Variants in COMMD10 observed in about 807,000 individuals in gnomAD.
The protein encoded by COMMD10 is COMM domain-containing protein 10.
In COMMD10, 33 loss-of-function variants were observed where a neutral mutation model predicts 28.9. The ratio of observed to expected loss-of-function variants is 1.14; its 90% CI spans 0.87 to 1.53. The LOEUF (loss-of-function observed/expected upper bound fraction) is 1.53. Ranked by LOEUF, COMMD10 falls within the 40% of genes most tolerant of loss-of-function variation. The pLI is 0.00. For missense variants in COMMD10, 310 were observed against 233.4 expected (o/e 1.33, Z -2.14); for synonymous variants, 110 against 81.7 (o/e 1.35, Z -1.87).
chr5:116,088,287 C>T (rs57552008), intron 2 of COMMD10, among the ~76,000 whole-genome samples: 34,076 of 151,898 alleles, frequency 0.22, 4,863 homozygotes, highest in African/African-American at 0.4. Context: ...CTGTGCCTTT[C>T]CCCTTTGAAG....
intron 5 of COMMD10, among the ~76,000 whole-genome samples, chr5:116,260,240 T>G (rs535404309): frequency 2.0e-5 from 3 of 151,842 alleles, no homozygotes; most frequent in African/African-American, 7.3e-5. Flanking sequence ...GGGAGGAAAA[T>G]GTGCTGAATA....
chr5:116,106,146 A>C (rs1750832479), intron 4 of COMMD10, among the ~76,000 whole-genome samples: 1 of 151,042 alleles, frequency 6.6e-6, no homozygotes, highest in Non-Finnish European at 1.5e-5. Context: ...CCCTCTGCAC[A>C]CTGCTTTAAA....
chr5:116,207,228 AT>A (rs1239102173), intron 5 of COMMD10, among the ~76,000 whole-genome samples: 1 of 152,148 alleles, frequency 6.6e-6, no homozygotes, highest in African/African-American at 2.4e-5. Flanking sequence ...TAGGCATTTA[AT>A]TTTTAGGAGT....
rs534865187 is a variant in COMMD10, at chr5:116,260,064, A to T, written c.511-31453A>T. Reference sequence around the variant, plus strand: ...TGCACTATCATTCTTTCTTCTTTTTAGTAATATATTTTATATGGAATTTGA... The same window carrying T: ...TGCACTATCATTCTTTCTTCTTTTTTGTAATATATTTTATATGGAATTTGA... On this transcript the variant is annotated intron_variant, in intron 5 of 6. Transcript: ENST00000274458. 1.6e-4 allele frequency among the ~76,000 whole-genome samples: 25 copies of T among 151,830 alleles called. 1 individual carries two copies. Among genetic ancestry groups the T allele is most frequent in the African/African-American group, 5.3e-4 (22 of 41,232 alleles).
intron 4 of COMMD10, among the ~76,000 whole-genome samples, chr5:116,104,036 T>C (rs1275625317): frequency 2.0e-5 from 3 of 152,192 alleles, no homozygotes; most frequent in African/African-American, 7.2e-5. Context: ...TACTACACTG[T>C]TTTGGTTACT....
chr5:116,113,291 T>C (rs1751118879), intron 4 of COMMD10, among the ~76,000 whole-genome samples: 1 of 151,898 alleles, frequency 6.6e-6, no homozygotes, highest in South Asian at 2.1e-4. Context: ...TGTATTGAAG[T>C]CCCTTTTATG....
At position 116,285,609 on chromosome 5, in the gene COMMD10, A is replaced by T. The variant is rs548242850; in HGVS notation, c.511-5908A>T. On this transcript the variant is annotated intron_variant, in intron 5 of 6. Coordinates refer to ENST00000274458, the MANE Select transcript of COMMD10 (RefSeq NM_016144.4). ...ATGCTTTTCTGTATCAATTTAGATG[A>T]TTATGTGTCTTTCCACCTTTATTCT... Among the ~76,000 whole-genome samples the T allele has an allele frequency of 5.9e-4, 90 of 152,144 alleles. 1 individual carries two copies. The highest frequency in any genetic ancestry group is 1.0e-3 in the Non-Finnish European group (69 of 68,032).
At chr5:116,091,872 A>G (rs1420075004) in intron 3 of COMMD10, among the ~76,000 whole-genome samples, 2 of 152,210 alleles carry the variant, frequency 1.3e-5, no homozygotes, top group African/African-American at 2.4e-5. Flanking sequence ...TAAAAGTTTA[A>G]ATAGTTTTGT....
At chr5:116,127,040 A>G (rs6594945) in intron 4 of COMMD10, among the ~76,000 whole-genome samples, 47,920 of 152,128 alleles carry the variant, frequency 0.31, 10,413 homozygotes, top group African/African-American at 0.62. Flanking sequence ...ACAAAGGGCT[A>G]ATATCCAGAA....
At chr5:116,176,347 C>G (rs1053836203) in intron 5 of COMMD10, among the ~76,000 whole-genome samples, 1 of 152,190 alleles carries the variant, frequency 6.6e-6, no homozygotes, top group African/African-American at 2.4e-5. Context: ...TTCCTGGCAT[C>G]AAGTGATCCA....
intron 5 of COMMD10, among the ~76,000 whole-genome samples, chr5:116,233,371 C>T (rs1340086298): frequency 6.6e-6 from 1 of 152,004 alleles, no homozygotes; most frequent in African/African-American, 2.4e-5. Context: ...ATATAAGGGT[C>T]AGTGCTATCA....
chr5:116,097,302 AATG>A (rs1750500805), intron 4 of COMMD10, among the ~76,000 whole-genome samples: 1 of 150,940 alleles, frequency 6.6e-6, no homozygotes, highest in South Asian at 2.1e-4. Context: ...TAAATAATAT[AATG>A]ATAACAAGCA....
chr5:116,124,613 C>T (rs1288282875), intron 4 of COMMD10, among the ~76,000 whole-genome samples: 1 of 152,124 alleles, frequency 6.6e-6, no homozygotes, highest in Non-Finnish European at 1.5e-5. Flanking sequence ...AGTTGAAGTC[C>T]TGGATATGCT....
intron 5 of COMMD10, among the ~76,000 whole-genome samples, chr5:116,258,089 A>G (rs1181393216): frequency 1.3e-5 from 2 of 151,856 alleles, no homozygotes; most frequent in Admixed American, 6.6e-5. Flanking sequence ...ATATTTGAAG[A>G]AAAGCAAATT....
At chr5:116,123,978 C>G (rs1244768434) in intron 4 of COMMD10, among the ~76,000 whole-genome samples, 1 of 151,524 alleles carries the variant, frequency 6.6e-6, no homozygotes, top group African/African-American at 2.4e-5. Context: ...ATTAATCTTG[C>G]CAGCAGTCTA....
chr5:116,217,757 G>A (rs573327913), intron 5 of COMMD10, among the ~76,000 whole-genome samples: 5 of 152,106 alleles, frequency 3.3e-5, no homozygotes, highest in Admixed American at 6.5e-5. Flanking sequence ...TGTCAAAGTC[G>A]CGGAATCCCT....
intron 5 of COMMD10, among the ~76,000 whole-genome samples, chr5:116,230,740 A>G (rs1749509393): frequency 6.6e-6 from 1 of 152,100 alleles, no homozygotes; most frequent in Non-Finnish European, 1.5e-5. Flanking sequence ...AAGAAAATTG[A>G]TATCAAAAGC....
intron 5 of COMMD10, among the ~76,000 whole-genome samples, chr5:116,152,660 G>A (rs975881339): frequency 2.6e-5 from 4 of 151,756 alleles, no homozygotes; most frequent in Non-Finnish European, 5.9e-5. Context: ...TTAAAAATAT[G>A]CTGCTAGTTA....
chr5:116,227,964 G>C (rs1749439638), intron 5 of COMMD10, among the ~76,000 whole-genome samples: 1 of 151,916 alleles, frequency 6.6e-6, no homozygotes, highest in South Asian at 2.1e-4. Flanking sequence ...ATGTCAGCAA[G>C]GCAAAAGAGA....
Sources: gnomAD v4.1 joint callset for allele counts (sites outside exome capture counted in the v4.1 genomes callset) on GRCh38, gnomAD v4.1.1 for gene constraint, MANE v1.5 for transcripts, NCBI Gene and HGNC (gene_info 2026-07-23, HGNC 2026-07-21) for gene names.